Variants in ZNF888 observed in about 807,000 individuals in gnomAD.
ZNF888 encodes zinc finger protein 888.
A neutral mutation model predicts 7.2 loss-of-function variants in ZNF888; 5 were observed. The ratio of observed to expected loss-of-function variants is 0.70; its 90% CI spans 0.36 to 1.46. The LOEUF is 1.46. ZNF888 is among the 40% of genes most tolerant of loss of function. The probability of loss-of-function intolerance (pLI) is 0.03; values close to 1 mark genes in which losing one functional copy is unlikely to be tolerated. For synonymous variants in ZNF888, 240 were observed against 284.3 expected (o/e 0.84, Z 1.57); for missense variants, 716 against 858.0 (o/e 0.83, Z 2.07).
rs1045502658 is a variant in ZNF888, at chr19:52,907,253, T to C, written c.1069A>G (p.Lys357Glu). The C allele has an allele frequency of 2.4e-5, 38 of 1,613,234 alleles. No homozygotes were observed. Among genetic ancestry groups the C allele is most frequent in the Admixed American group, 1.3e-4 (8 of 59,944 alleles). ...VHTGEKPYQC[K>E]ECDKVFSRKS... ...CGACTGAAAACTTTGTCACATTCTT[T>C]ACATTGGTAAGGTTTCTCTCCAGTA... The change falls in exon 5 of 5, where the codon AAA (lysine) becomes GAA (glutamate). Residue 357 changes from lysine to glutamate, a missense_variant. Lys to Glu is a moderately conservative substitution (Grantham distance 56). This residue lies in a region of ZNF888 where 697 missense variants were observed against 803.4 expected (regional missense o/e 0.87). Coordinates refer to ENST00000638862, the MANE Select transcript of ZNF888 (RefSeq NM_001393938.1).
rs2064824659 is a variant in ZNF888, at chr19:52,921,766, GA to G, written c.-178+1602del. Reference sequence around the variant, plus strand: ...TACATGGAGGAACCCCGTTTCTACTGAAAATACAAAAATTATCCAGGCATGG... The same window carrying G: ...TACATGGAGGAACCCCGTTTCTACTGAAATACAAAAATTATCCAGGCATGG... On this transcript the variant is annotated intron_variant, in intron 1 of 4. Transcript: ENST00000638862. 1.7e-5 allele frequency: 7 copies of G among 416,170 alleles called. No homozygotes were observed. In the South Asian group the frequency reaches 6.2e-4, roughly 37 times the overall value. 25.8% of individuals were successfully genotyped at this position (416,170 alleles called of 1,614,324 possible).
chr19:52,916,615 C>CATATACATATACATATACAT (rs374760326), intron 3 of ZNF888, among the ~76,000 whole-genome samples: 12 of 131,478 alleles, frequency 9.1e-5, no homozygotes, highest in African/African-American at 2.8e-4. Flanking sequence ...TATACATATA[C>CATATACATATACATATACAT]ATATATATAT....
chr19:52,910,442 G>C (rs2064665192), intron 4 of ZNF888, among the ~76,000 whole-genome samples: 1 of 152,170 alleles, frequency 6.6e-6, no homozygotes, highest in Non-Finnish European at 1.5e-5. Flanking sequence ...CTGCACTCCA[G>C]CCTGGGTGAG....
At position 52,907,856 on chromosome 19, in the gene ZNF888, C is replaced by G; in HGVS notation, c.466G>C (p.Glu156Gln). 1.2e-6 allele frequency: 2 copies of G among 1,614,146 alleles called. No homozygotes were observed. Among genetic ancestry groups the G allele is most frequent in the South Asian group, 2.2e-5 (2 of 91,078 alleles). ...TCAAGTTGATTACCAATTTTCCCTT[C>G]GGGCTGAAATATGTGCAGTTCAGGC... Reference protein sequence around the residue: ...HLPELHIFQPEGKIGNQLEKS... With the variant: ...HLPELHIFQPQGKIGNQLEKS... Residue 156 changes from glutamate to glutamine, a missense_variant, in exon 5 of 5, where the codon GAA becomes CAA. Glu to Gln is a conservative substitution (Grantham distance 29). Around this residue, in one of 2 missense-constraint regions of ZNF888, gnomAD observed 697 missense variants for 803.4 expected, o/e 0.87. Transcript: ENST00000638862.
At chr19:52,911,261 C>T (rs1052549631) in intron 4 of ZNF888, among the ~76,000 whole-genome samples, 8 of 152,166 alleles carry the variant, frequency 5.3e-5, no homozygotes, top group Non-Finnish European at 8.8e-5. Context: ...AATCTGCCCA[C>T]CTTGGTCTCC....
Position 52,907,793 on chromosome 19 carries a change from G to C in ZNF888, c.529C>G (p.Gln177Glu). The C allele has an allele frequency of 6.2e-7, 1 of 1,614,110 alleles. No homozygotes were observed. The highest frequency in any genetic ancestry group is 1.1e-5 in the South Asian group (1 of 91,074). ...INNASSVSTS[Q>E]RISCRPKTHI... ...GTTTTGGGCCTACAAGAAATTCTTT[G>C]GGATGTTGAAACTGAGGAAGCATTG... Residue 177 changes from glutamine to glutamate, a missense_variant, in exon 5 of 5, where the codon CAA (glutamine) becomes GAA (glutamate). By Grantham distance (29) the Gln-to-Glu change is conservative. Around this residue, in one of 2 missense-constraint regions of ZNF888, gnomAD observed 697 missense variants for 803.4 expected, o/e 0.87. Transcript: ENST00000638862.
intron 1 of ZNF888, among the ~76,000 whole-genome samples, chr19:52,920,514 AAAGAAAAAAAAAG>A (rs2064813119): frequency 7.0e-5 from 3 of 42,694 alleles, no homozygotes; most frequent in Non-Finnish European, 4.9e-5. Context: ...AAAAAAAAAA[AAAGAAAAAAAAAG>A]AAAAGGAAAA....
intron 1 of ZNF888, among the ~76,000 whole-genome samples, chr19:52,920,516 A>AGAAAAAAAAAGAAAAG (rs1568423832): frequency 2.5e-5 from 1 of 40,146 alleles, no homozygotes; most frequent in African/African-American, 9.8e-5. Context: ...AAAAAAAAAA[A>AGAAAAAAAAAGAAAAG]GAAAAAAAAA....
In ZNF888 at chr19:52,919,487, T is replaced by C. The variant is rs1162910704; in HGVS notation, c.-177-550A>G. 5.7e-5 allele frequency among the ~76,000 whole-genome samples: 4 copies of C among 70,146 alleles called. 2 individuals carry two copies. The highest frequency in any genetic ancestry group is 1.8e-4 in the African/African-American group (4 of 22,226). 46.0% of individuals were successfully genotyped at this position (70,146 alleles called of 152,430 possible). On this transcript the variant is annotated intron_variant, in intron 1 of 4. Coordinates refer to ENST00000638862, the MANE Select transcript of ZNF888 (RefSeq NM_001393938.1). ...CAATGGTGCCCAGGCTGGAGTGCAG[T>C]GGCGTGATCTCCGCTCGCTACAACC... is the stretch of plus-strand genomic sequence containing the variant.
chr19:52,918,190 G>C (rs958815333), intron 2 of ZNF888: 3 of 985,414 alleles, frequency 3.0e-6, no homozygotes, highest in Non-Finnish European at 3.6e-6. Flanking sequence ...ACCCAGACCT[G>C]ACCAAACCAC....
At chr19:52,919,684 T>G (rs1179722472) in intron 1 of ZNF888, among the ~76,000 whole-genome samples, 1 of 59,986 alleles carries the variant, frequency 1.7e-5, no homozygotes, top group African/African-American at 5.6e-5. Flanking sequence ...GAGCGCCTCT[T>G]CCCCGCCGCC....
intron 4 of ZNF888, among the ~76,000 whole-genome samples, chr19:52,908,624 T>C (rs1386381302): frequency 6.6e-6 from 1 of 152,088 alleles, no homozygotes; most frequent in Non-Finnish European, 1.5e-5. Flanking sequence ...CTTGTAAGGA[T>C]AACCAAAATC....
intron 4 of ZNF888, among the ~76,000 whole-genome samples, chr19:52,908,612 C>T (rs1308720230): frequency 6.6e-6 from 1 of 152,114 alleles, no homozygotes; most frequent in East Asian, 1.9e-4. Flanking sequence ...CAACAACAAG[C>T]TCTTGTAAGG....
rs1036113089 is a variant in ZNF888, at chr19:52,905,119, T to G, written c.*1046A>C. The G allele has an allele frequency of 3.9e-5, 6 of 152,180 alleles. No homozygotes were observed. The highest frequency in any genetic ancestry group is 7.3e-5 in the Non-Finnish European group (5 of 68,034). The allele number at this position is 152,180 out of a possible 1,614,324, so 9.4% of individuals were successfully genotyped here. On this transcript the variant is annotated 3_prime_UTR_variant, in exon 5 of 5. Transcript: ENST00000638862. ...GATAGTTTGGAAAAATTAATATTGT[T>G]AAGTAATTATATAACCCAATGTGAT...
intron 1 of ZNF888, chr19:52,921,694 G>A (rs2064823924): frequency 4.1e-6 from 4 of 977,474 alleles, no homozygotes; most frequent in South Asian, 4.7e-5. Flanking sequence ...TAGGGAGGCC[G>A]AGGTAGGTGG....
intron 1 of ZNF888, among the ~76,000 whole-genome samples, chr19:52,922,653 TTA>T (rs1329918770): frequency 1.3e-5 from 2 of 152,188 alleles, no homozygotes; most frequent in Non-Finnish European, 2.9e-5. Flanking sequence ...CCTTCTTCTT[TTA>T]TCTGTCTCAG....
chr19:52,913,585 A>G (rs2064711059), intron 4 of ZNF888: 2 of 404,332 alleles, frequency 4.9e-6, no homozygotes, highest in South Asian at 1.1e-4. Context: ...CAGCCTCCCA[A>G]AGTCCTGGGA....
At chr19:52,920,938 TAAAAA>T (rs145361548) in intron 1 of ZNF888, among the ~76,000 whole-genome samples, 4 of 6,532 alleles carry the variant, frequency 6.1e-4, no homozygotes, top group African/African-American at 1.1e-3. Context: ...CTTCAAATAT[TAAAAA>T]AAAAAAAAAA....
At position 52,907,765 on chromosome 19, in the gene ZNF888, T is replaced by C. The variant is rs2064629002; in HGVS notation, c.557A>G (p.His186Arg). 8 of 1,614,096 alleles carry C rather than the reference T, an allele frequency of 5.0e-6. No individual in the cohort carries two copies. Among genetic ancestry groups the C allele is most frequent in the South Asian group, 2.2e-5 (2 of 91,076 alleles). The change falls in exon 5 of 5, where the codon CAT becomes CGT. Residue 186 changes from histidine (H) to arginine (R), a missense_variant. His to Arg is a conservative substitution (Grantham distance 29). Coordinates refer to ENST00000638862, the MANE Select transcript of ZNF888 (RefSeq NM_001393938.1). Reference protein sequence around the residue: ...SQRISCRPKTHISNNYGNNFF... With the variant: ...SQRISCRPKTRISNNYGNNFF... ...ATTATTCCCATAGTTATTAGAAATA[T>C]GGGTTTTGGGCCTACAAGAAATTCT...
Sources: allele counts gnomAD v4.1 joint callset (sites outside exome capture counted in the v4.1 genomes callset), GRCh38; gene constraint gnomAD v4.1.1; regional missense constraint gnomAD v4.1.1; transcripts MANE v1.5; gene names NCBI Gene and HGNC (gene_info 2026-07-23, HGNC 2026-07-21).